Variants in ANKRD11 observed in about 807,000 individuals in gnomAD.
The protein encoded by ANKRD11 is ankyrin repeat domain 11, also known as ankyrin repeat domain-containing protein 11.
ANKRD11 carries 17 observed loss-of-function variants against 195.7 expected under a neutral mutation model. The observed-to-expected ratio is 0.09, with a 90% CI of 0.06 to 0.13. ANKRD11 has a LOEUF of 0.13. ANKRD11 is among the 10% of genes least tolerant of loss of function. The pLI is 1.00. For synonymous variants in ANKRD11, 1,953 were observed against 1,528.1 expected, an observed-to-expected ratio of 1.28 and a Z score of -6.49; for missense variants, 3,735 against 3,566.1, an observed-to-expected ratio of 1.05 and a Z score of -1.21.
chr16:89,401,206 G>A (rs977824197), intron 2 of ANKRD11, among the ~76,000 whole-genome samples: 3 of 148,882 alleles, frequency 2.0e-5, no homozygotes, highest in African/African-American at 7.4e-5. Flanking sequence ...CAATTCTCCT[G>A]CCTCAGCCTT....
chr16:89,312,832 G>A (rs1003074222), intron 3 of ANKRD11, among the ~76,000 whole-genome samples: 1 of 152,310 alleles, frequency 6.6e-6, no homozygotes, highest in East Asian at 1.9e-4. Flanking sequence ...CCAGCCATGC[G>A]CCTCCCAGCT....
rs1192855793 is a variant in ANKRD11, at chr16:89,480,130, T to C, written c.-145+10115A>G. Among the ~76,000 whole-genome samples, 4 of 148,498 alleles carry C rather than the reference T, an allele frequency of 2.7e-5. No homozygotes were observed. The Admixed American group carries it at 2.7e-4, about 10-fold the overall frequency. On this transcript the variant is annotated intron_variant, in intron 1 of 12. Coordinates refer to ENST00000301030, the MANE Select transcript of ANKRD11 (RefSeq NM_013275.6). ...AGTCTCAAAAAAAAAAAATTAAGTC[T>C]TTCCTGCCAAGTATTATTGCCTTCC... is the stretch of plus-strand genomic sequence containing the variant.
At chr16:89,480,809 C>T (rs2057420154) in intron 1 of ANKRD11, among the ~76,000 whole-genome samples, 1 of 152,202 alleles carries the variant, frequency 6.6e-6, no homozygotes, top group Admixed American at 6.5e-5. Context: ...ATCTGCCGAG[C>T]TGAGCAGAGC....
intron 1 of ANKRD11, among the ~76,000 whole-genome samples, chr16:89,428,250 G>T (rs982267656): frequency 6.7e-6 from 1 of 149,762 alleles, no homozygotes; most frequent in East Asian, 2.0e-4. Context: ...CTTTGGCCGG[G>T]CACGGTGGTT....
intron 2 of ANKRD11, among the ~76,000 whole-genome samples, chr16:89,369,986 G>A (rs375495785): frequency 3.7e-4 from 56 of 152,324 alleles, no homozygotes; most frequent in African/African-American, 1.3e-3. Context: ...GAAGCTCAGA[G>A]AGGCTGGGGG....
At chr16:89,358,825 C>T (rs1327847482) in intron 2 of ANKRD11, among the ~76,000 whole-genome samples, 1 of 151,882 alleles carries the variant, frequency 6.6e-6, no homozygotes, top group Non-Finnish European at 1.5e-5. Flanking sequence ...TTGTTTTTTG[C>T]CTGTAGGTTT....
chr16:89,416,699 G>C (rs2042324205), intron 2 of ANKRD11, among the ~76,000 whole-genome samples: 1 of 151,638 alleles, frequency 6.6e-6, no homozygotes, highest in East Asian at 1.9e-4. Flanking sequence ...GGAGGCTGAG[G>C]CAGGAGGATT....
chr16:89,279,757 C>T lies in ANKRD11; in HGVS notation c.6785G>A (p.Gly2262Asp), dbSNP rs776944723. The T allele has an allele frequency of 1.3e-6, 2 of 1,521,106 alleles. No individual in the cohort carries two copies. Among genetic ancestry groups the T allele is most frequent in the South Asian group, 2.4e-5 (2 of 82,718 alleles). 94.2% of individuals were successfully genotyped at this position (1,521,106 alleles called of 1,614,324 possible). The change falls in exon 9 of 13, where the codon GGC becomes GAC. Residue 2262 changes from glycine to aspartate, a missense_variant. By Grantham distance (94) the Gly-to-Asp change is moderately conservative. Transcript: ENST00000301030. This position sits in a 1 kb window ranked among gnomAD's most constrained non-coding sequence, Gnocchi z 5.6. Reference sequence around the variant, plus strand: ...GGCACAGAGGGACGCGGCGGGGGGGCCTTCAGCCTCAGCCCCCTGGTCTCC... The same window carrying T: ...GGCACAGAGGGACGCGGCGGGGGGGTCTTCAGCCTCAGCCCCCTGGTCTCC... ...GSGDQGAEAE[G>D]PPAASLCAPD...
At chr16:89,278,512 G>A (rs1334981877) in intron 9 of ANKRD11, 5 of 456,220 alleles carry the variant, frequency 1.1e-5, no homozygotes, top group African/African-American at 6.0e-5. Context: ...GATGATGCCT[G>A]GGGAACTGGG....
Position 89,280,213 on chromosome 16 carries a change from G to A in ANKRD11, c.6329C>T (p.Ser2110Phe), listed in dbSNP as rs754349927. ...NSFLDGSRGL[S>F]HLGQVEPVPW... ...CACCGGCTCCACCTGGCCGAGGTGA[G>A]ACAGGCCGCGGCTGCCGTCCAGGAA... is the stretch of plus-strand genomic sequence containing the variant. The change falls in exon 9 of 13, where the codon TCT becomes TTT. Residue 2110 changes from serine to phenylalanine, a missense_variant. Transcript: ENST00000301030. The A allele has an allele frequency of 3.7e-6, 6 of 1,608,116 alleles. No homozygotes were observed. The highest frequency in any genetic ancestry group is 2.2e-5 in the South Asian group (2 of 90,950).
In ANKRD11 at chr16:89,283,397, CCTT is replaced by C. The variant is rs776463011; in HGVS notation, c.3142_3144del (p.Lys1048del). On this transcript the variant is annotated inframe_deletion, in exon 9 of 13. Transcript: ENST00000301030. This position sits in a 1 kb window ranked among gnomAD's most constrained non-coding sequence, Gnocchi z 4.3. ...TTAAAACATTTATCAAATTCTTTGTCCTTCTGACATTTTTCCAGGATTGATTTC... is the reference window on the plus strand; with the variant it reads ...TTAAAACATTTATCAAATTCTTTGTCCTGACATTTTTCCAGGATTGATTTC... 7 of 1,613,994 alleles carry C rather than the reference CCTT, an allele frequency of 4.3e-6. No homozygotes were observed. The South Asian group carries it at 6.6e-5, about 15-fold the overall frequency.
intron 1 of ANKRD11, among the ~76,000 whole-genome samples, chr16:89,468,082 G>T (rs1374599929): frequency 6.6e-6 from 1 of 152,212 alleles, no homozygotes; most frequent in Non-Finnish European, 1.5e-5. Flanking sequence ...GGGATTACAG[G>T]TGTGAGCCAC....
Position 89,283,766 on chromosome 16 carries a change from T to C in ANKRD11, c.2776A>G (p.Lys926Glu), listed in dbSNP as rs745628658. ...AGGTAGCCAGGGACACTTTTATGCT[T>C]TTCGGTCTGCTCTTTCCTCTTCTCA... ...NSEKRKEQTE[K>E]HKSVPGYLSE... The change falls in exon 9 of 13, where the codon AAG becomes GAG. Residue 926 changes from lysine (K) to glutamate (E), a missense_variant. Lys to Glu is a moderately conservative substitution (Grantham distance 56). Coordinates refer to ENST00000301030, the MANE Select transcript of ANKRD11 (RefSeq NM_013275.6). The surrounding 1 kb of genome is among the most constrained non-coding windows in gnomAD (Gnocchi z 4.3). The C allele has an allele frequency of 6.2e-7, 1 of 1,613,530 alleles. No homozygotes were observed. Among genetic ancestry groups the C allele is most frequent in the Admixed American group, 1.7e-5 (1 of 59,904 alleles).
rs372665809 is a variant in ANKRD11, at chr16:89,275,132, G to A, written c.7530C>T (p.Ala2510=). 389 of 1,612,352 alleles carry A rather than the reference G, an allele frequency of 2.4e-4. No individual in the cohort carries two copies. Among genetic ancestry groups the A allele is most frequent in the Admixed American group, 3.0e-4 (18 of 59,788 alleles). Residue 2510 remains alanine (A), a synonymous_variant, in exon 10 of 13, where the codon GCC becomes GCT. Transcript: ENST00000301030. The part of the protein sequence containing the change: ...PLKELFRQQE[A]VRGKLRLQHS... ...GCTGTAGACGCAGCTTTCCCCGGACGGCCTCCTGCTGCCTGAACAGCTCCT... is the reference window on the plus strand; with the variant it reads ...GCTGTAGACGCAGCTTTCCCCGGACAGCCTCCTGCTGCCTGAACAGCTCCT...
At chr16:89,300,661 C>T (rs1458201020) in intron 4 of ANKRD11, 2 of 515,938 alleles carry the variant, frequency 3.9e-6, no homozygotes, top group African/African-American at 2.0e-5. Flanking sequence ...AAGCAGGAGC[C>T]GTCAGAACAG....
intron 4 of ANKRD11, among the ~76,000 whole-genome samples, chr16:89,292,747 T>A (rs569778098): frequency 6.6e-6 from 1 of 152,292 alleles, no homozygotes; most frequent in East Asian, 1.9e-4. Context: ...ACACGGTGGT[T>A]GGGGAGGCAG....
chr16:89,268,565 C>G lies in ANKRD11; in HGVS notation c.7905G>C (p.Gly2635=), dbSNP rs1249632410. 4.6e-6 allele frequency: 7 copies of G among 1,529,840 alleles called. No homozygotes were observed. The highest frequency in any genetic ancestry group is 6.2e-6 in the Non-Finnish European group (7 of 1,129,148). The allele number at this position is 1,529,840 out of a possible 1,614,324, so 94.8% of individuals were successfully genotyped here. ...CCTCGTTCACGCACAGGGACTTGTG[C>G]CCGGCGGGGTCCAGTTCCTGCACCT... ...QLKVQELDPA[G]HKSLCVNEVP... The change falls in exon 13 of 13, where the codon GGG becomes GGC. Residue 2635 remains glycine (G), a synonymous_variant. Coordinates refer to ENST00000301030, the MANE Select transcript of ANKRD11 (RefSeq NM_013275.6).
chr16:89,417,710 G>A (rs1233584328), intron 2 of ANKRD11, among the ~76,000 whole-genome samples: 4 of 152,046 alleles, frequency 2.6e-5, no homozygotes, highest in Non-Finnish European at 5.9e-5. Flanking sequence ...AGACCACCAG[G>A]AACCTAACAA....
At chr16:89,378,861 G>C (rs778733345) in intron 2 of ANKRD11, among the ~76,000 whole-genome samples, 6 of 152,230 alleles carry the variant, frequency 3.9e-5, no homozygotes, top group Middle Eastern at 3.4e-3. Flanking sequence ...GGGGTTGATG[G>C]GTGGGGCGAG....
Sources: gnomAD v4.1 joint callset for allele counts (sites outside exome capture counted in the v4.1 genomes callset) on GRCh38, gnomAD v4.1.1 for gene constraint, Gnocchi (gnomAD v3.1) non-coding constraint, MANE v1.5 for transcripts, NCBI Gene and HGNC (gene_info 2026-07-23, HGNC 2026-07-21) for gene names.